The following DST variants were observed in gnomAD, a reference collection of about 807,000 sequenced individuals.
DST encodes the protein dystonin.
A neutral mutation model predicts 875.2 loss-of-function variants in DST; 253 were observed. The ratio of observed to expected loss-of-function variants is 0.29; its 90% CI spans 0.26 to 0.32. The LOEUF is 0.32. Ranked by LOEUF, DST falls within the 10% of genes least tolerant of loss-of-function variation. DST has a pLI of 1.00. For missense variants in DST, 8,287 were observed against 9,111.6 expected, an observed-to-expected ratio of 0.91 and a Z score of 3.68; for synonymous variants, 3,124 against 3,197.1, an observed-to-expected ratio of 0.98 and a Z score of 0.77.
chr6:56,494,059 T>G lies in DST; in HGVS notation c.20345A>C (p.Asn6782Thr), dbSNP rs764679996. 4.4e-6 allele frequency: 7 copies of G among 1,606,562 alleles called. No homozygotes were observed. Among genetic ancestry groups the G allele is most frequent in the Non-Finnish European group, 6.0e-6 (7 of 1,176,092 alleles). ...AETNIDQDIN[N>T]LKEKWESVET... ...CACCGATTCCCATTTTTCTTTCAAGTTATTTATGTCTTGGTCAATATTTGT... is the reference window on the plus strand; with the variant it reads ...CACCGATTCCCATTTTTCTTTCAAGGTATTTATGTCTTGGTCAATATTTGT... The change falls in exon 83 of 104, where the codon AAC becomes ACC. Residue 6782 changes from asparagine (N) to threonine (T), a missense_variant. Asn to Thr is a moderately conservative substitution (Grantham distance 65). Coordinates refer to ENST00000680361, the MANE Select transcript of DST (RefSeq NM_001374736.1).
intron 34 of DST, 39 bp from the exon 35 acceptor site, chr6:56,625,303 A>C (rs775685201): frequency 8.1e-7 from 1 of 1,241,116 alleles, no homozygotes; most frequent in Non-Finnish European, 1.2e-6. Context: ...GAATTGAAGC[A>C]AAGTACTAGA....
At chr6:56,888,019 C>T (rs910352394) in intron 3 of DST, among the ~76,000 whole-genome samples, 11 of 150,032 alleles carry the variant, frequency 7.3e-5, no homozygotes, top group Non-Finnish European at 1.2e-4. Context: ...AGTGCGATCT[C>T]GGCTCACTGC....
intron 3 of DST, among the ~76,000 whole-genome samples, chr6:56,856,511 G>C (rs78535866): frequency 2.0e-5 from 3 of 152,020 alleles, no homozygotes; most frequent in African/African-American, 7.2e-5. Context: ...AAGCACACAA[G>C]GAAACAGACA....
At chr6:56,561,020 A>C (rs1205106077) in intron 57 of DST, among the ~76,000 whole-genome samples, 3 of 152,214 alleles carry the variant, frequency 2.0e-5, no homozygotes, top group African/African-American at 7.2e-5. Flanking sequence ...AATCTTTTCC[A>C]GTAGTTGACT....
At chr6:56,914,208 G>A (rs1212198542) in intron 2 of DST, among the ~76,000 whole-genome samples, 1 of 152,156 alleles carries the variant, frequency 6.6e-6, no homozygotes, top group Non-Finnish European at 1.5e-5. Context: ...TCCATATTAA[G>A]TATGGAACCA....
chr6:56,542,133 G>A (rs991953614), intron 61 of DST, among the ~76,000 whole-genome samples: 1 of 151,938 alleles, frequency 6.6e-6, no homozygotes, highest in Non-Finnish European at 1.5e-5. Context: ...CAAACACAGG[G>A]ACCTGGTATT....
rs757680705 is a variant in DST at position 56,617,393 on chromosome 6, A to C, written c.4930-2909T>G. On this transcript the variant is annotated intron_variant, in intron 36 of 103. Coordinates refer to ENST00000680361, the MANE Select transcript of DST (RefSeq NM_001374736.1). ...TTTTAATGTTGTGACTTCTGTATGC[A>C]TATCATACTGCTTGTTCTTAGCTAT... 3 of 1,613,510 alleles carry C rather than the reference A, an allele frequency of 1.9e-6. No homozygotes were observed. The South Asian group carries it at 3.3e-5, about 18-fold the overall frequency.
At position 56,529,686 on chromosome 6, in the gene DST, T is replaced by A. The variant is rs761346398; in HGVS notation, c.17357A>T (p.Glu5786Val). The change falls in exon 66 of 104, where the codon GAG becomes GTG. Residue 5786 changes from glutamate to valine, a missense_variant. Transcript: ENST00000680361. ...GQSLKVLSSREDKDMVQSKLD... is the reference protein window; with the variant it reads ...GQSLKVLSSRVDKDMVQSKLD... ...TTTACTCTGCACCATATCTTTATCCTCCCTGGAGCTCAAAACCTTTAAGGA... is the reference window on the plus strand; with the variant it reads ...TTTACTCTGCACCATATCTTTATCCACCCTGGAGCTCAAAACCTTTAAGGA... 1.2e-6 allele frequency: 2 copies of A among 1,613,618 alleles called. No individual in the cohort carries two copies. The highest frequency in any genetic ancestry group is 2.7e-5 in the African/African-American group (2 of 75,018).
rs539502633 is a variant in DST, at chr6:56,509,834, G to A, written c.18820C>T (p.Arg6274Cys). ...GGCTGCCTCAGACGTTCCACGATGC[G>A]TTCCAGGCTCTCAAGGATCTGATCT... ...KIDQILESLE[R>C]IVERLRQPPS... Residue 6274 changes from arginine (R) to cysteine (C), a missense_variant, in exon 74 of 104, where the codon CGC becomes TGC. Arg to Cys is a radical substitution (Grantham distance 180). This residue lies in a region of DST where 1,292 missense variants were observed against 1,552.7 expected (regional missense o/e 0.83). Coordinates refer to ENST00000680361, the MANE Select transcript of DST (RefSeq NM_001374736.1). The A allele has an allele frequency of 1.1e-5, 17 of 1,613,302 alleles. No individual in the cohort carries two copies. The highest frequency in any genetic ancestry group is 2.7e-5 in the African/African-American group (2 of 74,990).
intron 28 of DST, 40 bp from the exon 29 acceptor site, chr6:56,632,080 A>G (rs372896754): frequency 1.7e-4 from 259 of 1,524,130 alleles, no homozygotes; most frequent in Non-Finnish European, 2.3e-4. Flanking sequence ...CTTGTTTTCT[A>G]TCTCTTAGAA....
At chr6:56,700,005 T>C (rs2099288622) in intron 8 of DST, among the ~76,000 whole-genome samples, 2 of 152,112 alleles carry the variant, frequency 1.3e-5, no homozygotes, top group South Asian at 4.1e-4. Flanking sequence ...CCCAAACCTA[T>C]ACCATAGGGA....
rs974026210 is a variant in DST at position 56,497,434 on chromosome 6, G to C, written c.20168C>G (p.Ser6723Cys). 2.5e-6 allele frequency: 4 copies of C among 1,613,064 alleles called. No individual in the cohort carries two copies. In the Admixed American group the frequency reaches 5.0e-5, roughly 20 times the overall value. The change falls in exon 82 of 104, where the codon TCT (serine) becomes TGT (cysteine). Residue 6723 changes from serine to cysteine, a missense_variant. Ser to Cys is a moderately radical substitution (Grantham distance 112). Around this residue, in one of 10 missense-constraint regions of DST, gnomAD observed 1,292 missense variants for 1,552.7 expected, o/e 0.83. Coordinates refer to ENST00000680361, the MANE Select transcript of DST (RefSeq NM_001374736.1). ...TTCCGGTAAACCTCCCAGCGGTTTA[G>C]ATGCCAACAGATGACGCTCCGTGTC... ...LTDTERHLLA[S>C]KPLGGLPETA...
At chr6:56,924,698 C>T (rs1235373903) in intron 2 of DST, among the ~76,000 whole-genome samples, 1 of 152,064 alleles carries the variant, frequency 6.6e-6, no homozygotes, top group African/African-American at 2.4e-5. Flanking sequence ...GTACTGGAAA[C>T]ATACAAAGCC....
intron 52 of DST, among the ~76,000 whole-genome samples, 163 bp downstream of exon 52, chr6:56,572,584 G>A (rs2097794220): frequency 6.6e-6 from 1 of 152,092 alleles, no homozygotes; most frequent in African/African-American, 2.4e-5. Context: ...AAGGCTTCAA[G>A]GAAAAGATAA....
intron 55 of DST, among the ~76,000 whole-genome samples, chr6:56,562,427 T>C (rs2152567928): frequency 6.6e-6 from 1 of 152,080 alleles, no homozygotes; most frequent in African/African-American, 2.4e-5. Flanking sequence ...AGTATGTTTA[T>C]ATTATATAAA....
chr6:56,748,451 AGGT>A (rs964514390), intron 4 of DST, among the ~76,000 whole-genome samples: 1 of 152,222 alleles, frequency 6.6e-6, no homozygotes, highest in Non-Finnish European at 1.5e-5. Flanking sequence ...ACAGAATCAT[AGGT>A]ATTACTAGAC....
intron 4 of DST, among the ~76,000 whole-genome samples, chr6:56,763,395 G>C (rs1229547712): frequency 6.6e-6 from 1 of 152,088 alleles, no homozygotes; most frequent in East Asian, 1.9e-4. Context: ...GGATGGGCCA[G>C]GCATGGTGGC....
chr6:56,471,949 T>A (rs752338711), intron 94 of DST, 110 bp downstream of exon 94: 12 of 1,081,986 alleles, frequency 1.1e-5, no homozygotes, highest in Non-Finnish European at 1.6e-5. Flanking sequence ...ATAGCAAGAG[T>A]TTGCTTATTA....
rs1286394081 is a variant in DST, at chr6:56,748,628, C to T, written c.626-13339G>A. On this transcript the variant is annotated intron_variant, in intron 4 of 103. Coordinates refer to ENST00000680361, the MANE Select transcript of DST (RefSeq NM_001374736.1). ...TAAACGTCAAAATCACAACACTATA[C>T]ACTACAGAATTTCACATCATCTCAC... Among the ~76,000 whole-genome samples, 3 of 152,182 alleles carry T rather than the reference C, an allele frequency of 2.0e-5. No homozygotes were observed. In the East Asian group the frequency reaches 5.8e-4, roughly 29 times the overall value.
Sources: gnomAD v4.1 joint callset for allele counts (sites outside exome capture counted in the v4.1 genomes callset) on GRCh38, gnomAD v4.1.1 for gene constraint, gnomAD v4.1.1 regional missense constraint, MANE v1.5 for transcripts, NCBI Gene and HGNC (gene_info 2026-07-23, HGNC 2026-07-21) for gene names.